The following PIEZO2 variants were observed in gnomAD, a reference collection of about 807,000 sequenced individuals.
The protein encoded by PIEZO2 is piezo-type mechanosensitive ion channel component 2.
In PIEZO2, 172 loss-of-function variants were observed where a neutral mutation model predicts 337.3. The observed-to-expected ratio is 0.51, with a 90% CI of 0.45 to 0.58. PIEZO2 has a LOEUF of 0.58. PIEZO2 is among the 20% of genes least tolerant of loss of function. The pLI, the probability that PIEZO2 is intolerant of heterozygous loss-of-function variation, is 0.00. For missense variants in PIEZO2, 3,028 were observed against 3,391.3 expected (o/e 0.89, Z 2.66); for synonymous variants, 1,251 against 1,228.5 (o/e 1.02, Z -0.38).
Position 10,724,662 on chromosome 18 carries a change from C to T in PIEZO2, c.5030-6403G>A. 1.2e-6 allele frequency: 1 copy of T among 861,162 alleles called. No individual in the cohort carries two copies. The highest frequency in any genetic ancestry group is 1.8e-6 in the Non-Finnish European group (1 of 541,372). The allele number at this position is 861,162 out of a possible 1,614,324, so 53.3% of individuals were successfully genotyped here. ...CTCAGGCGTATGATCAGGCACCCAC[C>T]AGCCCACCTACCAGTCTGCTGTCCC... On this transcript the variant is annotated intron_variant, in intron 36 of 55. Transcript: ENST00000674853. This position sits in a 1 kb window ranked among gnomAD's most constrained non-coding sequence, Gnocchi z 5.8.
At chr18:10,921,821 T>C (rs993435090) in intron 3 of PIEZO2, among the ~76,000 whole-genome samples, 3 of 152,082 alleles carry the variant, frequency 2.0e-5, no homozygotes, top group African/African-American at 7.2e-5. Flanking sequence ...TGAGGGTGGG[T>C]CTCTGAACTG....
chr18:10,974,961 C>A (rs2034388342), intron 3 of PIEZO2, among the ~76,000 whole-genome samples: 1 of 152,232 alleles, frequency 6.6e-6, no homozygotes, highest in Non-Finnish European at 1.5e-5. Context: ...GGTCCAGCTG[C>A]ACAGCCCTGT....
At chr18:10,991,637 C>T (rs1026998497) in intron 2 of PIEZO2, among the ~76,000 whole-genome samples, 4 of 152,182 alleles carry the variant, frequency 2.6e-5, no homozygotes, top group Admixed American at 6.5e-5. Context: ...CATTGATGGA[C>T]GTTTGGGTTG....
chr18:10,944,650 A>C (rs560439666), intron 3 of PIEZO2, among the ~76,000 whole-genome samples: 48 of 151,582 alleles, frequency 3.2e-4, no homozygotes. Flanking sequence ...ATTGCCTAAA[A>C]AGGAGGAAAA....
In PIEZO2 at chr18:11,146,399, T is replaced by A. The variant is rs950679157; in HGVS notation, c.64+2126A>T. Among the ~76,000 whole-genome samples, 4 of 151,332 alleles carry A rather than the reference T, an allele frequency of 2.6e-5. No individual in the cohort carries two copies. The highest frequency in any genetic ancestry group is 9.7e-5 in the African/African-American group (4 of 41,104). On this transcript the variant is annotated intron_variant, in intron 1 of 55. Transcript: ENST00000674853. The surrounding 1 kb of genome is among the most constrained non-coding windows in gnomAD (Gnocchi z 6.1). Reference sequence around the variant, plus strand: ...CACCACAGAAGAAGCTCGGTGGGGGTCCCAGTGGTGAGAGGCAGGGCTGAA... The same window carrying A: ...CACCACAGAAGAAGCTCGGTGGGGGACCCAGTGGTGAGAGGCAGGGCTGAA...
chr18:10,910,374 G>C (rs2030359448), intron 4 of PIEZO2, among the ~76,000 whole-genome samples: 1 of 152,192 alleles, frequency 6.6e-6, no homozygotes, highest in African/African-American at 2.4e-5. Context: ...CCTGAGGTCA[G>C]GAGTACAAGA....
At position 10,830,195 on chromosome 18, in the gene PIEZO2, G is replaced by A. The variant is rs1007402990; in HGVS notation, c.918-22921C>T. Among the ~76,000 whole-genome samples, 3 of 152,138 alleles carry A rather than the reference G, an allele frequency of 2.0e-5. No homozygotes were observed. Among genetic ancestry groups the A allele is most frequent in the African/African-American group, 7.2e-5 (3 of 41,434 alleles). ...TGCTAAGAACATACACATGGGAAAG[G>A]ACAGTCTCTTCAATAAATGGTGCTG... is the stretch of plus-strand genomic sequence containing the variant. On this transcript the variant is annotated intron_variant, in intron 7 of 55. Transcript: ENST00000674853. The surrounding 1 kb of genome is among the most constrained non-coding windows in gnomAD (Gnocchi z 4.7).
At chr18:10,925,018 A>G (rs1352326153) in intron 3 of PIEZO2, among the ~76,000 whole-genome samples, 1 of 152,224 alleles carries the variant, frequency 6.6e-6, no homozygotes, top group East Asian at 1.9e-4. Flanking sequence ...TTTTTCCTGA[A>G]CATATGTCAA....
chr18:10,696,438 T>C lies in PIEZO2; in HGVS notation c.6929A>G (p.Asp2310Gly), dbSNP rs1340567681. 1.2e-6 allele frequency: 2 copies of C among 1,614,216 alleles called. No individual in the cohort carries two copies. The highest frequency in any genetic ancestry group is 3.3e-5 in the Admixed American group (2 of 60,032). The change falls in exon 46 of 56, where the codon GAC becomes GGC. Residue 2310 changes from aspartate to glycine, a missense_variant. By Grantham distance (94) the Asp-to-Gly change is moderately conservative (BLOSUM62 -1). This residue lies in a region of PIEZO2 where 1,925 missense variants were observed against 2,051.9 expected (regional missense o/e 0.94). Coordinates refer to ENST00000674853, the MANE Select transcript of PIEZO2 (RefSeq NM_001378183.1). ...GACAATGATGATGAAGTCCACAGTGTCAGCCAGGAACATGAGTACATACAC... is the reference window on the plus strand; with the variant it reads ...GACAATGATGATGAAGTCCACAGTGCCAGCCAGGAACATGAGTACATACAC... ...TDVYVLMFLA[D>G]TVDFIIIVFG... is the part of the protein sequence containing the mutation.
Position 10,784,418 on chromosome 18 carries a change from T to C in PIEZO2, c.2492+366A>G, listed in dbSNP as rs1420010182. Among the ~76,000 whole-genome samples the C allele has an allele frequency of 6.6e-6, 1 of 152,220 alleles. No homozygotes were observed. The highest frequency in any genetic ancestry group is 2.4e-5 in the African/African-American group (1 of 41,458). On this transcript the variant is annotated intron_variant, in intron 17 of 55. Transcript: ENST00000674853. The surrounding 1 kb of genome is among the most constrained non-coding windows in gnomAD (Gnocchi z 4.5). ...TCTCACAAGACTTCTGTACTTGTGG[T>C]TGGCATAATGGAAAAATCCTCTGAA...
At position 11,044,172 on chromosome 18, in the gene PIEZO2, T is replaced by TAC. The variant is rs954984692; in HGVS notation, c.160+21953_160+21954dup. On this transcript the variant is annotated intron_variant, in intron 2 of 55. Transcript: ENST00000674853. ...TATACTAATATACTATATATATATA[T>TAC]ACACACACACACTAATATAATATAT... is the stretch of plus-strand genomic sequence containing the variant. 7.0e-5 allele frequency among the ~76,000 whole-genome samples: 9 copies of TAC among 128,490 alleles called. No individual in the cohort carries two copies. In the East Asian group the frequency reaches 1.3e-3, roughly 19 times the overall value. The allele number at this position is 128,490 out of a possible 152,430, so 84.3% of individuals were successfully genotyped here. A position where few individuals can be genotyped will look rare whatever the true frequency, so the allele number is the denominator to read the frequency against.
At chr18:10,910,144 T>C (rs1598669019) in intron 4 of PIEZO2, among the ~76,000 whole-genome samples, 1 of 152,366 alleles carries the variant, frequency 6.6e-6, no homozygotes, top group East Asian at 1.9e-4. Flanking sequence ...AGTCAAAACC[T>C]ACTGTGACAG....
intron 2 of PIEZO2, among the ~76,000 whole-genome samples, chr18:10,987,084 C>T (rs576367408): frequency 6.6e-6 from 1 of 151,888 alleles, no homozygotes; most frequent in African/African-American, 2.4e-5. Context: ...AAAATATATC[C>T]CATGTTCATG....
intron 48 of PIEZO2, among the ~76,000 whole-genome samples, chr18:10,690,611 C>T (rs868852208): frequency 7.2e-5 from 11 of 152,228 alleles, no homozygotes; most frequent in Admixed American, 2.0e-4. Context: ...GACACCTCTT[C>T]TGTCTGGTGC....
At chr18:10,762,220 T>C (rs183719650) in intron 23 of PIEZO2, among the ~76,000 whole-genome samples, 1 of 152,372 alleles carries the variant, frequency 6.6e-6, no homozygotes, top group African/African-American at 2.4e-5. Flanking sequence ...AATGCACCCA[T>C]CGACCTTAAT....
intron 27 of PIEZO2, among the ~76,000 whole-genome samples, chr18:10,756,795 A>G (rs1331261144): frequency 6.9e-6 from 1 of 145,826 alleles, no homozygotes; most frequent in Admixed American, 6.9e-5. Flanking sequence ...AGGAGGGGGG[A>G]TGGAGAATGA....
chr18:11,026,743 C>T (rs140429306), intron 2 of PIEZO2, among the ~76,000 whole-genome samples: 37 of 152,352 alleles, frequency 2.4e-4, no homozygotes, highest in African/African-American at 8.4e-4. Flanking sequence ...ATTCCCTCAG[C>T]ACCCTCTTCA....
intron 18 of PIEZO2, among the ~76,000 whole-genome samples, chr18:10,776,623 T>A (rs894977559): frequency 2.0e-5 from 3 of 152,310 alleles, no homozygotes; most frequent in East Asian, 1.9e-4. Flanking sequence ...TGTTTCCCAA[T>A]GGTCTCAGGG....
At position 10,979,810 on chromosome 18, in the gene PIEZO2, A is replaced by G; in HGVS notation, c.161-150T>C. On this transcript the variant is annotated intron_variant, in intron 2 of 55. Coordinates refer to ENST00000674853, the MANE Select transcript of PIEZO2 (RefSeq NM_001378183.1). The surrounding 1 kb of genome is among the most constrained non-coding windows in gnomAD (Gnocchi z 4.0). ...ATTATCATCTTAATTATTAGTCTATAGCTAAATGGTATCTTATTCCCTTTG... is the reference window on the plus strand; with the variant it reads ...ATTATCATCTTAATTATTAGTCTATGGCTAAATGGTATCTTATTCCCTTTG... The G allele has an allele frequency of 3.0e-6, 2 of 665,800 alleles. No homozygotes were observed. The highest frequency in any genetic ancestry group is 4.4e-6 in the Non-Finnish European group (2 of 450,772). 41.2% of individuals were successfully genotyped at this position (665,800 alleles called of 1,614,324 possible). A position where few individuals can be genotyped will look rare whatever the true frequency, so the allele number is the denominator to read the frequency against.
Sources: allele counts gnomAD v4.1 joint callset (sites outside exome capture counted in the v4.1 genomes callset), GRCh38; gene constraint gnomAD v4.1.1; regional missense constraint gnomAD v4.1.1; non-coding constraint Gnocchi (gnomAD v3.1); transcripts MANE v1.5; gene names NCBI Gene and HGNC (gene_info 2026-07-23, HGNC 2026-07-21).